KCNIP4: variants seen among roughly 807,000 people sequenced by gnomAD.
The protein encoded by KCNIP4 is Kv channel-interacting protein 4.
In KCNIP4, 12 loss-of-function variants were observed where a neutral mutation model predicts 34.0. The observed-to-expected ratio is 0.35, with a 90% CI of 0.23 to 0.57. The LOEUF (loss-of-function observed/expected upper bound fraction) is 0.57, where lower values mean the gene tolerates loss of function less well. KCNIP4 is among the 20% of genes least tolerant of loss of function. The probability of loss-of-function intolerance (pLI) is 0.83; values close to 1 mark genes in which losing one functional copy is unlikely to be tolerated. For synonymous variants in KCNIP4, 124 were observed against 102.2 expected (o/e 1.21, Z -1.29); for missense variants, 238 against 311.7 (o/e 0.76, Z 1.78).
chr4:21,739,724 T>A (rs928087777), intron 1 of KCNIP4, among the ~76,000 whole-genome samples: 2 of 152,138 alleles, frequency 1.3e-5, no homozygotes, highest in Non-Finnish European at 2.9e-5. Context: ...AAATAAGTTA[T>A]GTCCAAAAAT....
At chr4:21,441,897 T>A (rs1005475498) in intron 1 of KCNIP4, among the ~76,000 whole-genome samples, 1 of 152,240 alleles carries the variant, frequency 6.6e-6, no homozygotes, top group African/African-American at 2.4e-5. Flanking sequence ...TGGAGAAAGA[T>A]TTAATATTTG....
rs542517173 is a variant in KCNIP4 at position 21,061,577 on chromosome 4, A to T, written c.62-178868T>A. Among the ~76,000 whole-genome samples the T allele has an allele frequency of 1.9e-3, 291 of 152,254 alleles. 1 individual carries two copies. The highest frequency in any genetic ancestry group is 0.013 in the South Asian group (63 of 4,826). On this transcript the variant is annotated intron_variant, in intron 1 of 8. Coordinates refer to ENST00000382152, the MANE Select transcript of KCNIP4 (RefSeq NM_025221.6). ...GAAAGGGGTTTAGATGATCTTACAT[A>T]ACAGAGGCTTTTAATCAAGCTGGAA...
At chr4:20,778,847 A>G (rs547109221) in intron 3 of KCNIP4, among the ~76,000 whole-genome samples, 21 of 152,256 alleles carry the variant, frequency 1.4e-4, no homozygotes, top group African/African-American at 5.1e-4. Context: ...AGACTTGCCA[A>G]TAGTTAGAGA....
chr4:21,229,435 A>G (rs115548144), intron 1 of KCNIP4, among the ~76,000 whole-genome samples: 2,545 of 152,234 alleles, frequency 0.017, 70 homozygotes, highest in African/African-American at 0.057. Flanking sequence ...TTCATGCATT[A>G]CTTACTCTCT....
At chr4:21,558,683 T>C (rs990290300) in intron 1 of KCNIP4, among the ~76,000 whole-genome samples, 16 of 152,110 alleles carry the variant, frequency 1.1e-4, no homozygotes, top group Non-Finnish European at 8.8e-5. Flanking sequence ...ATCAGGAGCA[T>C]CTAGTTACAA....
intron 3 of KCNIP4, among the ~76,000 whole-genome samples, chr4:20,769,786 C>A (rs1484577347): frequency 6.6e-6 from 1 of 152,158 alleles, no homozygotes; most frequent in Non-Finnish European, 1.5e-5. Context: ...TTGTAGGGCC[C>A]AGGTCCCTGT....
chr4:21,773,094 T>A (rs1303089473), intron 1 of KCNIP4, among the ~76,000 whole-genome samples: 1 of 152,166 alleles, frequency 6.6e-6, no homozygotes. Context: ...TTTAGCTGTG[T>A]CCCAGAGATT....
chr4:21,205,163 G>T (rs181849302), intron 1 of KCNIP4, among the ~76,000 whole-genome samples: 216 of 152,282 alleles, frequency 1.4e-3, no homozygotes, highest in Non-Finnish European at 2.5e-3. Flanking sequence ...AATTTTCTGA[G>T]TGTAATTCCA....
intron 1 of KCNIP4, among the ~76,000 whole-genome samples, chr4:21,875,703 T>G (rs1726073605): frequency 6.6e-6 from 1 of 152,234 alleles, no homozygotes; most frequent in Admixed American, 6.5e-5. Context: ...TTTGATTATT[T>G]GATGCTGAAA....
chr4:21,093,849 A>G (rs960791098), intron 1 of KCNIP4, among the ~76,000 whole-genome samples: 84 of 152,252 alleles, frequency 5.5e-4, no homozygotes, highest in Non-Finnish European at 9.3e-4. Context: ...TTGGGAGGCC[A>G]CGGCGGGAGG....
chr4:20,995,948 T>C (rs1042752088), intron 1 of KCNIP4, among the ~76,000 whole-genome samples: 4 of 152,110 alleles, frequency 2.6e-5, no homozygotes, highest in Non-Finnish European at 5.9e-5. Context: ...GTTTAAAGTG[T>C]GGTAGGATTT....
At chr4:21,042,082 A>G (rs1742011346) in intron 1 of KCNIP4, among the ~76,000 whole-genome samples, 1 of 152,180 alleles carries the variant, frequency 6.6e-6, no homozygotes, top group African/African-American at 2.4e-5. Flanking sequence ...TCATCTCTGG[A>G]TTGATCTAGG....
At chr4:21,094,693 A>T (rs1747312671) in intron 1 of KCNIP4, among the ~76,000 whole-genome samples, 1 of 152,200 alleles carries the variant, frequency 6.6e-6, no homozygotes, top group African/African-American at 2.4e-5. Context: ...AAGATTTTGC[A>T]ACTTCTGCCG....
At chr4:21,263,968 C>CGT (rs375296925) in intron 1 of KCNIP4, among the ~76,000 whole-genome samples, 3,224 of 148,280 alleles carry the variant, frequency 0.022, 38 homozygotes, top group African/African-American at 0.032. Flanking sequence ...TATATATATA[C>CGT]GTGTGTGTGT....
intron 3 of KCNIP4, among the ~76,000 whole-genome samples, chr4:20,817,431 C>CTAGG (rs1370564202): frequency 1.3e-5 from 2 of 152,314 alleles, no homozygotes; most frequent in Non-Finnish European, 1.5e-5. Context: ...TCCCATCCTG[C>CTAGG]TAGGCATGGT....
Position 21,455,482 on chromosome 4 carries a change from C to T in KCNIP4, c.61+493089G>A, listed in dbSNP as rs59882658. ...TGGTTGTGATAGAAAACAACTAAAACGTGACTGACATTCATTGAGCACTTG... is the reference window on the plus strand; with the variant it reads ...TGGTTGTGATAGAAAACAACTAAAATGTGACTGACATTCATTGAGCACTTG... On this transcript the variant is annotated intron_variant, in intron 1 of 8. Transcript: ENST00000382152. 7.9e-3 allele frequency among the ~76,000 whole-genome samples: 1,197 copies of T among 151,980 alleles called. 16 individuals carry two copies. Among genetic ancestry groups the T allele is most frequent in the African/African-American group, 0.028 (1,151 of 41,440 alleles).
intron 1 of KCNIP4, among the ~76,000 whole-genome samples, chr4:21,742,399 G>A (rs917261757): frequency 2.0e-5 from 3 of 152,148 alleles, no homozygotes; most frequent in Non-Finnish European, 2.9e-5. Context: ...TCCTGATTGC[G>A]ATTTAGCTCC....
intron 3 of KCNIP4, among the ~76,000 whole-genome samples, chr4:20,760,763 T>A (rs913240219): frequency 5.3e-5 from 8 of 152,040 alleles, no homozygotes; most frequent in Admixed American, 6.6e-5. Flanking sequence ...GGTTTCGTAT[T>A]AGATGACCCC....
intron 1 of KCNIP4, among the ~76,000 whole-genome samples, chr4:21,737,243 A>G (rs535225749): frequency 6.6e-6 from 1 of 152,316 alleles, no homozygotes; most frequent in Admixed American, 6.5e-5. Context: ...TAATGTTCTC[A>G]TCATTCACAT....
Sources: gnomAD v4.1 joint callset for allele counts (sites outside exome capture counted in the v4.1 genomes callset) on GRCh38, gnomAD v4.1.1 for gene constraint, MANE v1.5 for transcripts, NCBI Gene and HGNC (gene_info 2026-07-23, HGNC 2026-07-21) for gene names.